Variants in ELK4 observed in about 807,000 individuals in gnomAD.
ELK4 encodes ETS domain-containing protein Elk-4.
Under a neutral mutation model 29.6 loss-of-function variants are expected in ELK4, and 16 were observed. That is an observed-to-expected ratio of 0.54 (90% CI 0.37 to 0.82). The LOEUF is 0.82. ELK4 is among the 40% of genes least tolerant of loss of function. ELK4 has a pLI of 0.00. For synonymous variants in ELK4, 213 were observed against 191.1 expected, an observed-to-expected ratio of 1.11 and a Z score of -0.95; for missense variants, 465 against 507.1, an observed-to-expected ratio of 0.92 and a Z score of 0.80.
At position 205,616,638 on chromosome 1, in the gene ELK4, A is replaced by C; in HGVS notation, c.1204T>G (p.Ser402Ala). The change falls in exon 5 of 5, where the codon TCT becomes GCT. Residue 402 changes from serine (S) to alanine (A), a missense_variant. By Grantham distance (99) the Ser-to-Ala change is moderately conservative. This residue lies in a region of ELK4 where 80 missense variants were observed against 119.6 expected (regional missense o/e 0.67). Coordinates refer to ENST00000357992, the MANE Select transcript of ELK4 (RefSeq NM_001973.4). ...AATGGCCCATGACTGTTCAGTACAG[A>C]AGGAAACTGAGAAAGAAAACAAAAC... Reference protein sequence around the residue: ...QGANTLFQFPSVLNSHGPFTL... With the variant: ...QGANTLFQFPAVLNSHGPFTL... 1 of 1,612,080 alleles carries C rather than the reference A, an allele frequency of 6.2e-7. No individual in the cohort carries two copies. Among genetic ancestry groups the C allele is most frequent in the Non-Finnish European group, 8.5e-7 (1 of 1,178,272 alleles).
chr1:205,627,052 A>C (rs1473761449), intron 1 of ELK4, among the ~76,000 whole-genome samples: 1 of 152,228 alleles, frequency 6.6e-6, no homozygotes, highest in Non-Finnish European at 1.5e-5. Context: ...TCCACAAAAG[A>C]CCACATATTG....
chr1:205,622,027 G>A (rs746637759), intron 2 of ELK4, among the ~76,000 whole-genome samples: 1 of 151,728 alleles, frequency 6.6e-6, no homozygotes, highest in Non-Finnish European at 1.5e-5. Context: ...GCCTCCCGTA[G>A]AGATGGTGAA....
At position 205,620,102 on chromosome 1, in the gene ELK4, T is replaced by C. The variant is rs1458757493; in HGVS notation, c.944A>G (p.Asn315Ser). 4.3e-6 allele frequency: 7 copies of C among 1,614,216 alleles called. No individual in the cohort carries two copies. In the East Asian group the frequency reaches 1.6e-4, roughly 36 times the overall value. ...TTTGGGTTTCTTGGATCTTGATGAA[T>C]TATTTACTTTGTCCTTTTCTAGCAA... ...SVLLEKDKVN[N>S]SSRSKKPKGL... is the part of the protein sequence containing the mutation. The change falls in exon 3 of 5, where the codon AAT becomes AGT. Residue 315 changes from asparagine to serine, a missense_variant. Asn to Ser is a conservative substitution (Grantham distance 46, BLOSUM62 1). Transcript: ENST00000357992.
chr1:205,619,583 C>A, intron 3 of ELK4: 1 of 1,213,828 alleles, frequency 8.2e-7, no homozygotes, highest in Non-Finnish European at 1.0e-6. Flanking sequence ...CAACATCACA[C>A]CAGTCATTTT....
chr1:205,628,393 C>T (rs1670507298), intron 1 of ELK4, among the ~76,000 whole-genome samples: 2 of 152,186 alleles, frequency 1.3e-5, no homozygotes, highest in Admixed American at 1.3e-4. Context: ...ACTCAATTTC[C>T]ACATTTCCAG....
In ELK4 at chr1:205,616,257, G is replaced by T. The variant is rs1670230283; in HGVS notation, c.*289C>A. ...CCACCAAAAACTTCTTCAGCACAAA[G>T]CTCAAAATATTTTTAAAGGAGAAAA... On this transcript the variant is annotated 3_prime_UTR_variant, in exon 5 of 5. Transcript: ENST00000357992. 1 of 320,118 alleles carries T rather than the reference G, an allele frequency of 3.1e-6. No individual in the cohort carries two copies. The highest frequency in any genetic ancestry group is 7.3e-5 in the South Asian group (1 of 13,720). The allele number at this position is 320,118 out of a possible 1,614,324, so 19.8% of individuals were successfully genotyped here.
At position 205,619,052 on chromosome 1, in the gene ELK4, T is replaced by C. The variant is rs1436431068; in HGVS notation, c.1102A>G (p.Ser368Gly). 2 of 1,602,684 alleles carry C rather than the reference T, an allele frequency of 1.2e-6. No individual in the cohort carries two copies. Among genetic ancestry groups the C allele is most frequent in the East Asian group, 2.2e-5 (1 of 44,608 alleles). ...AAGTGGATACTGGAGAGCAAGGGGC[T>C]TGGAGTCAGTATGATGGGTGTCTGC... ...FSQTPIILTP[S>G]PLLSSIHFWS... The change falls in exon 4 of 5, where the codon AGC becomes GGC. Residue 368 changes from serine to glycine, a missense_variant. Physicochemically the swap from Ser to Gly is moderately conservative, Grantham distance 56. Transcript: ENST00000357992.
intron 1 of ELK4, among the ~76,000 whole-genome samples, chr1:205,627,093 T>G (rs1203413134): frequency 1.3e-5 from 2 of 152,020 alleles, no homozygotes; most frequent in African/African-American, 4.8e-5. Flanking sequence ...ATGTCCAGAA[T>G]AGGAAAATCC....
chr1:205,619,750 G>A (rs1444372306), intron 3 of ELK4: 1 of 1,490,898 alleles, frequency 6.7e-7, no homozygotes, highest in Non-Finnish European at 8.9e-7. Flanking sequence ...TTTACTTGTA[G>A]AACAATGAAT....
chr1:205,625,270 AAT>A (rs989612384), intron 1 of ELK4, among the ~76,000 whole-genome samples: 3 of 142,198 alleles, frequency 2.1e-5, no homozygotes, highest in African/African-American at 8.0e-5. Context: ...CTGCATCCAA[AAT>A]ATATTAAAAA....
intron 1 of ELK4, among the ~76,000 whole-genome samples, chr1:205,624,834 C>T (rs57449935): frequency 1.3e-5 from 2 of 152,226 alleles, no homozygotes; most frequent in African/African-American, 4.8e-5. Flanking sequence ...CAAATATTCC[C>T]CCAGGGGTCA....
chr1:205,629,647 G>A (rs944090969), intron 1 of ELK4, among the ~76,000 whole-genome samples: 1 of 152,058 alleles, frequency 6.6e-6, no homozygotes, highest in African/African-American at 2.4e-5. Context: ...AACCCAGGAG[G>A]CGGAGGTCAC....
In ELK4 at chr1:205,611,943, G is replaced by A. The variant is rs1010833949; in HGVS notation, c.*4603C>T. On this transcript the variant is annotated 3_prime_UTR_variant, in exon 5 of 5. Coordinates refer to ENST00000357992, the MANE Select transcript of ELK4 (RefSeq NM_001973.4). Reference sequence around the variant, plus strand: ...TTTTAAAAATCAAAAACTTATTAATGCAGCAAGAAAATGTAACTTGTTATA... The same window carrying A: ...TTTTAAAAATCAAAAACTTATTAATACAGCAAGAAAATGTAACTTGTTATA... The A allele has an allele frequency of 1.6e-5, 3 of 185,672 alleles. No homozygotes were observed. The highest frequency in any genetic ancestry group is 3.4e-5 in the Non-Finnish European group (3 of 87,798). 11.5% of individuals were successfully genotyped at this position (185,672 alleles called of 1,614,324 possible).
At position 205,610,130 on chromosome 1, in the gene ELK4, T is replaced by C. The variant is rs2102372169; in HGVS notation, c.*6416A>G. ...TTTAGGCATTCTTGAATGATTCCAT[T>C]GGCTAGAACTCTGGGCCAGCCACAG... On this transcript the variant is annotated 3_prime_UTR_variant, in exon 5 of 5. Coordinates refer to ENST00000357992, the MANE Select transcript of ELK4 (RefSeq NM_001973.4). 4.3e-6 allele frequency: 1 copy of C among 232,094 alleles called. No homozygotes were observed. Among genetic ancestry groups the C allele is most frequent in the East Asian group, 6.1e-5 (1 of 16,450 alleles). 14.4% of individuals were successfully genotyped at this position (232,094 alleles called of 1,614,324 possible). A position where few individuals can be genotyped will look rare whatever the true frequency, so the allele number is the denominator to read the frequency against.
At chr1:205,623,327 T>C (rs1167362224) in intron 2 of ELK4, among the ~76,000 whole-genome samples, 2 of 151,296 alleles carry the variant, frequency 1.3e-5, no homozygotes, top group Admixed American at 1.3e-4. Flanking sequence ...TTTTTTTTTT[T>C]TTGAGACGGA....
Position 205,619,064 on chromosome 1 carries a change from T to C in ELK4, c.1090A>G (p.Ile364Val), listed in dbSNP as rs764203338. 9.4e-6 allele frequency: 15 copies of C among 1,590,644 alleles called. No individual in the cohort carries two copies. The highest frequency in any genetic ancestry group is 1.4e-5 in the African/African-American group (1 of 73,588). The part of the protein sequence containing the change: ...TPAFFSQTPI[I>V]LTPSPLLSSI... ...GAGAGCAAGGGGCTTGGAGTCAGTA[T>C]GATGGGTGTCTGCAATACACAAAGC... Residue 364 changes from isoleucine (I) to valine (V), a missense_variant, in exon 4 of 5, where the codon ATA becomes GTA. Ile to Val is a conservative substitution (Grantham distance 29). This residue lies in a region of ELK4 where 80 missense variants were observed against 119.6 expected (regional missense o/e 0.67). Coordinates refer to ENST00000357992, the MANE Select transcript of ELK4 (RefSeq NM_001973.4).
Position 205,611,916 on chromosome 1 carries a change from G to A in ELK4, c.*4630C>T. The A allele has an allele frequency of 5.4e-6, 1 of 186,324 alleles. No individual in the cohort carries two copies. The allele number at this position is 186,324 out of a possible 1,614,324, so 11.5% of individuals were successfully genotyped here. On this transcript the variant is annotated 3_prime_UTR_variant, in exon 5 of 5. Transcript: ENST00000357992. Reference sequence around the variant, plus strand: ...TATTCCTTTAGTTGCTGAAATATCAGATTTTAAAAATCAAAAACTTATTAA... The same window carrying A: ...TATTCCTTTAGTTGCTGAAATATCAAATTTTAAAAATCAAAAACTTATTAA...
At position 205,620,787 on chromosome 1, in the gene ELK4, A is replaced by C; in HGVS notation, c.259T>G (p.Tyr87Asp). ...GQKFVYKFVSYPEILNMDPMT... is the reference protein window; with the variant it reads ...GQKFVYKFVSDPEILNMDPMT... ...GGATCCATGTTCAAAATCTCTGGAT[A>C]AGAGACAAACTTGTACACAAACTTC... Residue 87 changes from tyrosine to aspartate, a missense_variant, in exon 3 of 5, where the codon TAT becomes GAT. Tyr to Asp is a radical substitution (Grantham distance 160). This residue lies in a region of ELK4 where 385 missense variants were observed against 387.5 expected (regional missense o/e 0.99). Transcript: ENST00000357992. The C allele has an allele frequency of 6.2e-7, 1 of 1,613,892 alleles. No individual in the cohort carries two copies. Among genetic ancestry groups the C allele is most frequent in the Non-Finnish European group, 8.5e-7 (1 of 1,180,006 alleles).
intron 1 of ELK4, among the ~76,000 whole-genome samples, chr1:205,625,035 A>AAC (rs1294718069): frequency 2.0e-5 from 3 of 152,314 alleles, no homozygotes; most frequent in African/African-American, 7.2e-5. Flanking sequence ...CACACACAAA[A>AAC]AAAAACAAAA....
Sources: gnomAD v4.1 joint callset for allele counts (sites outside exome capture counted in the v4.1 genomes callset) on GRCh38, gnomAD v4.1.1 for gene constraint, gnomAD v4.1.1 regional missense constraint, MANE v1.5 for transcripts, NCBI Gene and HGNC (gene_info 2026-07-23, HGNC 2026-07-21) for gene names.